Variants in CTNNA3 observed in about 807,000 individuals in gnomAD.
CTNNA3 encodes catenin alpha-3.
CTNNA3 carries 76 observed loss-of-function variants against 95.7 expected under a neutral mutation model. The observed-to-expected ratio is 0.79, with a 90% CI of 0.66 to 0.96. CTNNA3 has a LOEUF of 0.96. Ranked by LOEUF, CTNNA3 falls within the 40% of genes least tolerant of loss-of-function variation. The pLI is 0.00. For missense variants in CTNNA3, 1,191 were observed against 1,089.8 expected, an observed-to-expected ratio of 1.09 and a Z score of -1.31; for synonymous variants, 431 against 374.4, an observed-to-expected ratio of 1.15 and a Z score of -1.74.
intron 7 of CTNNA3, among the ~76,000 whole-genome samples, chr10:67,114,330 T>C (rs1331876685): frequency 6.6e-6 from 1 of 152,142 alleles, no homozygotes; most frequent in Non-Finnish European, 1.5e-5. Flanking sequence ...TTCTGGATTA[T>C]ATTTCAATTC....
intron 5 of CTNNA3, among the ~76,000 whole-genome samples, chr10:67,434,473 A>G (rs1388581346): frequency 6.6e-6 from 1 of 151,974 alleles, no homozygotes; most frequent in Non-Finnish European, 1.5e-5. Context: ...ACATTTTAAC[A>G]GTGTCGAGAT....
chr10:67,602,547 A>T (rs1814088607), intron 3 of CTNNA3, among the ~76,000 whole-genome samples: 1 of 152,224 alleles, frequency 6.6e-6, no homozygotes, highest in East Asian at 1.9e-4. Flanking sequence ...ATGTAGAGGT[A>T]TTTCACACAT....
At chr10:67,300,913 GAGAC>G (rs1840239500) in intron 5 of CTNNA3, among the ~76,000 whole-genome samples, 3 of 152,206 alleles carry the variant, frequency 2.0e-5, no homozygotes, top group African/African-American at 7.2e-5. Context: ...ATCTGCCTGT[GAGAC>G]AGGTAAGAAT....
At chr10:65,991,468 G>C (rs1034243330) in intron 15 of CTNNA3, among the ~76,000 whole-genome samples, 5 of 151,356 alleles carry the variant, frequency 3.3e-5, no homozygotes, top group African/African-American at 1.2e-4. Context: ...TGTTTGTAGA[G>C]GTTGGTTCTT....
chr10:66,609,504 T>G (rs1304993723), intron 10 of CTNNA3, among the ~76,000 whole-genome samples: 2 of 151,294 alleles, frequency 1.3e-5, no homozygotes, highest in Non-Finnish European at 2.9e-5. Context: ...TGCAAAACGC[T>G]CAACATCACC....
chr10:66,403,843 A>C (rs1365841733), intron 11 of CTNNA3, among the ~76,000 whole-genome samples: 1 of 152,200 alleles, frequency 6.6e-6, no homozygotes, highest in African/African-American at 2.4e-5. Context: ...GGCATCAGCC[A>C]AGCTAACTTT....
chr10:66,438,599 C>T (rs962777136), intron 11 of CTNNA3, among the ~76,000 whole-genome samples: 4 of 152,088 alleles, frequency 2.6e-5, no homozygotes, highest in African/African-American at 2.4e-5. Context: ...GTGCTGACAG[C>T]GAGAATTTCA....
intron 7 of CTNNA3, among the ~76,000 whole-genome samples, chr10:67,059,830 T>C (rs896801132): frequency 3.3e-5 from 5 of 152,206 alleles, no homozygotes; most frequent in Non-Finnish European, 5.9e-5. Context: ...TATTTGCATA[T>C]ATAATAGCAT....
intron 7 of CTNNA3, among the ~76,000 whole-genome samples, chr10:66,855,321 T>C (rs1457754018): frequency 6.6e-6 from 1 of 152,000 alleles, no homozygotes; most frequent in Non-Finnish European, 1.5e-5. Flanking sequence ...AGCCTGGGCA[T>C]AGTACTTTAT....
At chr10:67,490,643 G>C (rs1423865872) in intron 5 of CTNNA3, among the ~76,000 whole-genome samples, 2 of 152,048 alleles carry the variant, frequency 1.3e-5, no homozygotes, top group African/African-American at 4.8e-5. Context: ...ACCTAGCAAT[G>C]AAATTTAAAA....
At chr10:66,379,825 A>G (rs888431804) in intron 11 of CTNNA3, among the ~76,000 whole-genome samples, 1 of 152,192 alleles carries the variant, frequency 6.6e-6, no homozygotes, top group Non-Finnish European at 1.5e-5. Context: ...GTGTCTCCTG[A>G]CCTCATCCTC....
intron 9 of CTNNA3, among the ~76,000 whole-genome samples, chr10:66,657,892 G>A (rs77073316): frequency 0.024 from 3,603 of 152,210 alleles, 149 homozygotes; most frequent in African/African-American, 0.083. Flanking sequence ...GAGGGAAATC[G>A]AACATGGAAA....
intron 7 of CTNNA3, among the ~76,000 whole-genome samples, chr10:66,892,774 T>C (rs775323992): frequency 6.6e-6 from 1 of 152,096 alleles, no homozygotes; most frequent in Non-Finnish European, 1.5e-5. Flanking sequence ...TGAAATATGA[T>C]CAACTGATTT....
intron 7 of CTNNA3, among the ~76,000 whole-genome samples, chr10:67,122,385 G>C (rs918091951): frequency 6.6e-6 from 1 of 152,014 alleles, no homozygotes; most frequent in African/African-American, 2.4e-5. Context: ...GAAAGACCTA[G>C]AAGAAATGAT....
chr10:66,549,595 C>T (rs1441304525), intron 10 of CTNNA3, among the ~76,000 whole-genome samples: 2 of 152,084 alleles, frequency 1.3e-5, no homozygotes, highest in Non-Finnish European at 2.9e-5. Flanking sequence ...GATTGTTCTC[C>T]TTTTCTTATA....
At chr10:66,105,966 T>TGG (rs1280563512) in intron 13 of CTNNA3, among the ~76,000 whole-genome samples, 1 of 152,128 alleles carries the variant, frequency 6.6e-6, no homozygotes, top group East Asian at 1.9e-4. Context: ...CCCAGCACTT[T>TGG]GGGAGGCCAA....
At chr10:67,666,195 G>A (rs1840327547) in intron 1 of CTNNA3, among the ~76,000 whole-genome samples, 1 of 152,150 alleles carries the variant, frequency 6.6e-6, no homozygotes, top group Admixed American at 6.5e-5. Flanking sequence ...GTGTCCAGTG[G>A]TGGGGTGAGA....
chr10:66,800,508 G>A (rs1279019402), intron 7 of CTNNA3, among the ~76,000 whole-genome samples: 2 of 150,878 alleles, frequency 1.3e-5, no homozygotes, highest in Non-Finnish European at 3.0e-5. Context: ...GCAAATATTT[G>A]AGACACTTAT....
At chr10:67,657,331 G>A (rs1049586991) in intron 1 of CTNNA3, among the ~76,000 whole-genome samples, 1 of 152,104 alleles carries the variant, frequency 6.6e-6, no homozygotes, top group Non-Finnish European at 1.5e-5. Context: ...CAAGAGCAGG[G>A]TTTGAAAGAG....
Sources: allele counts gnomAD v4.1 joint callset (sites outside exome capture counted in the v4.1 genomes callset), GRCh38; gene constraint gnomAD v4.1.1; transcripts MANE v1.5; gene names NCBI Gene and HGNC (gene_info 2026-07-23, HGNC 2026-07-21).